The following EXTL2 variants were observed in gnomAD, a reference collection of about 807,000 sequenced individuals.
EXTL2 encodes the protein exostosin-like 2.
A neutral mutation model predicts 30.7 loss-of-function variants in EXTL2; 23 were observed. That is an observed-to-expected ratio of 0.75 (90% CI 0.54 to 1.06). EXTL2 has a LOEUF of 1.06. EXTL2 is among the 50% of genes least tolerant of loss of function. The pLI is 0.00. For synonymous variants in EXTL2, 123 were observed against 133.8 expected, an observed-to-expected ratio of 0.92 and a Z score of 0.56; for missense variants, 352 against 396.3, an observed-to-expected ratio of 0.89 and a Z score of 0.95.
Position 100,872,923 on chromosome 1 carries a change from T to C in EXTL2, c.*1019A>G, listed in dbSNP as rs893785805. ...CTTATTTTCTCCTCCTTGTATGTAGTTGAAATTTCATCATTATGAATAGTT... is the reference window on the plus strand; with the variant it reads ...CTTATTTTCTCCTCCTTGTATGTAGCTGAAATTTCATCATTATGAATAGTT... On this transcript the variant is annotated 3_prime_UTR_variant, in exon 5 of 5. Transcript: ENST00000370114. 1 of 152,052 alleles carries C rather than the reference T, an allele frequency of 6.6e-6. No homozygotes were observed. The highest frequency in any genetic ancestry group is 2.4e-5 in the African/African-American group (1 of 41,448). 9.4% of individuals were successfully genotyped at this position (152,052 alleles called of 1,614,324 possible).
At position 100,894,657 on chromosome 1, in the gene EXTL2, G is replaced by C. The variant is rs1335767277; in HGVS notation, c.-96C>G. 3 of 152,134 alleles carry C rather than the reference G, an allele frequency of 2.0e-5. No individual in the cohort carries two copies. The highest frequency in any genetic ancestry group is 7.2e-5 in the African/African-American group (3 of 41,408). The allele number at this position is 152,134 out of a possible 1,614,324, so 9.4% of individuals were successfully genotyped here. ...CCTCGAGTGCAGTAGATTGCAGTAG[G>C]GCCAGCCGATTTATTTCCCTGCAGC... On this transcript the variant is annotated 5_prime_UTR_variant, in exon 1 of 5. Coordinates refer to ENST00000370114, the MANE Select transcript of EXTL2 (RefSeq NM_001033025.3).
In EXTL2 at chr1:100,877,614, A is replaced by G; in HGVS notation, c.295T>C (p.Trp99Arg). 2 of 1,613,618 alleles carry G rather than the reference A, an allele frequency of 1.2e-6. No individual in the cohort carries two copies. Among genetic ancestry groups the G allele is most frequent in the Non-Finnish European group, 1.7e-6 (2 of 1,179,692 alleles). Residue 99 changes from tryptophan to arginine, a missense_variant, in exon 3 of 5, where the codon TGG becomes CGG. By Grantham distance (101) the Trp-to-Arg change is moderately radical. Transcript: ENST00000370114. The surrounding 1 kb of genome is among the most constrained non-coding windows in gnomAD (Gnocchi z 4.1). ...GGTGCCTTCTCTCCAATATTGTTCC[A>G]TACCACAATCACTTTGTGCAGATTT... is the stretch of plus-strand genomic sequence containing the variant. ...VPNLHKVIVVWNNIGEKAPDE... is the reference protein window; with the variant it reads ...VPNLHKVIVVRNNIGEKAPDE...
At chr1:100,879,900 CTG>C (rs1213093974) in intron 2 of EXTL2, among the ~76,000 whole-genome samples, 7 of 152,140 alleles carry the variant, frequency 4.6e-5, no homozygotes, top group African/African-American at 1.7e-4. Flanking sequence ...AATCCTAAGA[CTG>C]TAGTCTAAAT....
At position 100,877,571 on chromosome 1, in the gene EXTL2, G is replaced by C. The variant is rs1649224274; in HGVS notation, c.338C>G (p.Ser113Cys). 1 of 1,613,290 alleles carries C rather than the reference G, an allele frequency of 6.2e-7. No homozygotes were observed. The highest frequency in any genetic ancestry group is 1.7e-5 in the Admixed American group (1 of 59,888). Reference sequence around the variant, plus strand: ...CACAGGGATAGGGTGGGGCCCTAGAGAATTCCATAATTCATCTGGTGCCTT... The same window carrying C: ...CACAGGGATAGGGTGGGGCCCTAGACAATTCCATAATTCATCTGGTGCCTT... Reference protein sequence around the residue: ...GEKAPDELWNSLGPHPIPVIF... With the variant: ...GEKAPDELWNCLGPHPIPVIF... The change falls in exon 3 of 5, where the codon TCT becomes TGT. Residue 113 changes from serine to cysteine, a missense_variant. Coordinates refer to ENST00000370114, the MANE Select transcript of EXTL2 (RefSeq NM_001033025.3). The surrounding 1 kb of genome is among the most constrained non-coding windows in gnomAD (Gnocchi z 4.1).
intron 2 of EXTL2, among the ~76,000 whole-genome samples, chr1:100,883,305 C>T (rs944830785): frequency 1.3e-5 from 2 of 152,116 alleles, no homozygotes; most frequent in Non-Finnish European, 1.5e-5. Context: ...TTGCAACCAT[C>T]ACCACAATTT....
intron 1 of EXTL2, 93 bp downstream of exon 1, chr1:100,894,540 C>T (rs1321626243): frequency 1.3e-5 from 2 of 152,156 alleles, no homozygotes; most frequent in African/African-American, 4.8e-5. Context: ...CATACACACA[C>T]ACAAAGTTCT....
intron 2 of EXTL2, chr1:100,878,562 G>A (rs368365204): frequency 4.1e-5 from 18 of 438,950 alleles, no homozygotes; most frequent in Non-Finnish European, 7.4e-5. Context: ...CTGGGGTAGC[G>A]GGTATGAAGA....
chr1:100,890,561 T>A (rs1650347083), intron 1 of EXTL2, among the ~76,000 whole-genome samples: 1 of 152,206 alleles, frequency 6.6e-6, no homozygotes, highest in South Asian at 2.1e-4. Flanking sequence ...TGCTTCCCTT[T>A]TAAACACAAG....
In EXTL2 at chr1:100,878,070, C is replaced by A. The variant is rs79654648; in HGVS notation, c.6-167G>T. Among the ~76,000 whole-genome samples, 274 of 152,174 alleles carry A rather than the reference C, an allele frequency of 1.8e-3. 11 individuals carry two copies. In the East Asian group the frequency reaches 0.05, roughly 28 times the overall value. ...ATTTGGCCTAAGAGATTTTAAAAAA[C>A]CAGTTTAATATTCCCTTCCTTCTTG... On this transcript the variant is annotated intron_variant, in intron 2 of 4. Transcript: ENST00000370114.
In EXTL2 at chr1:100,893,460, A is replaced by C. The variant is rs116827574; in HGVS notation, c.-72+1173T>G. On this transcript the variant is annotated intron_variant, in intron 1 of 4. Transcript: ENST00000370114. ...AGACGAGACTGATTTGCCTGTCACA[A>C]CCCCCCCCTTTCTTCATAACTACTC... Among the ~76,000 whole-genome samples the C allele has an allele frequency of 7.0e-3, 1,049 of 150,730 alleles. 20 individuals are homozygous for C. Among genetic ancestry groups the C allele is most frequent in the African/African-American group, 0.025 (1,004 of 40,970 alleles).
At chr1:100,887,278 A>C (rs1650042921) in intron 2 of EXTL2, among the ~76,000 whole-genome samples, 1 of 152,248 alleles carries the variant, frequency 6.6e-6, no homozygotes, top group Non-Finnish European at 1.5e-5. Context: ...ATACAGATGA[A>C]TTATGGCTTA....
At position 100,876,818 on chromosome 1, in the gene EXTL2, A is replaced by G. The variant is rs1243940987; in HGVS notation, c.480T>C (p.Leu160=). Residue 160 remains leucine, a synonymous_variant, in exon 4 of 5, where the codon CTT becomes CTC. Transcript: ENST00000370114. The part of the protein sequence containing the change: ...DDDTLISTPD[L]VFAFSVWQQF... Reference sequence around the variant, plus strand: ...CCTGCCAAACTGAGAAAGCAAAAACAAGGTCTGGGGTGCTGATGAGTGTGT... The same window carrying G: ...CCTGCCAAACTGAGAAAGCAAAAACGAGGTCTGGGGTGCTGATGAGTGTGT... 1.2e-6 allele frequency: 2 copies of G among 1,612,136 alleles called. No homozygotes were observed. The highest frequency in any genetic ancestry group is 2.2e-5 in the East Asian group (1 of 44,816).
chr1:100,885,071 CA>C (rs1649855818), intron 2 of EXTL2, among the ~76,000 whole-genome samples: 1 of 152,210 alleles, frequency 6.6e-6, no homozygotes, highest in African/African-American at 2.4e-5. Context: ...CTGTTCCCTA[CA>C]TAGAAGAGCT....
At chr1:100,895,169 T>G (rs1198985694), upstream of EXTL2, 2 of 151,866 alleles carry the variant, frequency 1.3e-5, no homozygotes, top group Non-Finnish European at 2.9e-5. Context: ...GGCCTGGAGG[T>G]TCTGACAAGA....
Position 100,877,522 on chromosome 1 carries a change from G to T in EXTL2, c.387C>A (p.Asn129Lys). The T allele has an allele frequency of 6.2e-7, 1 of 1,612,126 alleles. No individual in the cohort carries two copies. The highest frequency in any genetic ancestry group is 8.5e-7 in the Non-Finnish European group (1 of 1,179,044). Reference sequence around the variant, plus strand: ...AGACCTGGAGTCGATTTCTCATCCTGTTTGCTGTCTGTTGTTTGAAGATCA... The same window carrying T: ...AGACCTGGAGTCGATTTCTCATCCTTTTTGCTGTCTGTTGTTTGAAGATCA... ...IPVIFKQQTA[N>K]RMRNRLQVFP... The change falls in exon 3 of 5, where the codon AAC (asparagine) becomes AAA (lysine). Residue 129 changes from asparagine to lysine, a missense_variant. By Grantham distance (94) the Asn-to-Lys change is moderately conservative. Coordinates refer to ENST00000370114, the MANE Select transcript of EXTL2 (RefSeq NM_001033025.3). This position sits in a 1 kb window ranked among gnomAD's most constrained non-coding sequence, Gnocchi z 4.1.
At position 100,889,666 on chromosome 1, in the gene EXTL2, C is replaced by CA. The variant is rs949457227; in HGVS notation, c.-71-839dup. 2.3e-4 allele frequency among the ~76,000 whole-genome samples: 35 copies of CA among 151,166 alleles called. No homozygotes were observed. The South Asian group carries it at 4.6e-3, about 20-fold the overall frequency. On this transcript the variant is annotated intron_variant, in intron 1 of 4. Coordinates refer to ENST00000370114, the MANE Select transcript of EXTL2 (RefSeq NM_001033025.3). ...CCCATTCCAAATGGGAGAAATAGGCCAAAAAAAAGGGGCCACAGGCCCCAT... is the reference window on the plus strand; with the variant it reads ...CCCATTCCAAATGGGAGAAATAGGCCAAAAAAAAAGGGGCCACAGGCCCCAT...
chr1:100,883,304 TCAC>T (rs1256466968), intron 2 of EXTL2, among the ~76,000 whole-genome samples: 1 of 152,142 alleles, frequency 6.6e-6, no homozygotes, highest in Non-Finnish European at 1.5e-5. Flanking sequence ...TTTGCAACCA[TCAC>T]CACAATTTAA....
intron 1 of EXTL2, among the ~76,000 whole-genome samples, chr1:100,893,209 G>T (rs1042454202): frequency 6.6e-6 from 1 of 152,150 alleles, no homozygotes; most frequent in East Asian, 1.9e-4. Context: ...CTTATAAACC[G>T]ATTTAATCTT....
chr1:100,893,670 G>C (rs1029725227), intron 1 of EXTL2, among the ~76,000 whole-genome samples: 4 of 152,176 alleles, frequency 2.6e-5, no homozygotes, highest in African/African-American at 9.7e-5. Flanking sequence ...ATTTGACAAT[G>C]ACAAAAGAAG....
Sources: allele counts gnomAD v4.1 joint callset (sites outside exome capture counted in the v4.1 genomes callset), GRCh38; gene constraint gnomAD v4.1.1; non-coding constraint Gnocchi (gnomAD v3.1); transcripts MANE v1.5; gene names NCBI Gene and HGNC (gene_info 2026-07-23, HGNC 2026-07-21).